Variants in RBPJ observed in about 807,000 individuals in gnomAD.
RBPJ encodes recombination signal binding protein for immunoglobulin kappa J region.
In RBPJ, 9 loss-of-function variants were observed where a neutral mutation model predicts 67.8. That is an observed-to-expected ratio of 0.13 (90% confidence interval 0.08 to 0.23). RBPJ has a LOEUF of 0.23. RBPJ is among the 10% of genes least tolerant of loss of function. The pLI is 1.00. For missense variants in RBPJ, 305 were observed against 595.6 expected, an observed-to-expected ratio of 0.51 and a Z score of 5.08; for synonymous variants, 198 against 203.3, an observed-to-expected ratio of 0.97 and a Z score of 0.22.
chr4:26,295,143 A>AT (rs1325147950), intron 1 of RBPJ, among the ~76,000 whole-genome samples: 1 of 152,068 alleles, frequency 6.6e-6, no homozygotes, highest in African/African-American at 2.4e-5. Flanking sequence ...AAGACATTAC[A>AT]TTTTTCTCCC....
chr4:26,168,171 T>C (rs896192030), intron 1 of RBPJ, among the ~76,000 whole-genome samples: 15 of 152,204 alleles, frequency 9.9e-5, no homozygotes, highest in African/African-American at 3.4e-4. Flanking sequence ...CTAGTCTCGA[T>C]GGTCTTTACA....
intron 1 of RBPJ, among the ~76,000 whole-genome samples, chr4:26,282,243 G>GA (rs1466045243): frequency 7.3e-6 from 1 of 137,126 alleles, no homozygotes. Flanking sequence ...ATAAATCCTT[G>GA]AAAAAAAAAT....
intron 1 of RBPJ, among the ~76,000 whole-genome samples, chr4:26,210,727 C>CTTCTTTA (rs1718371547): frequency 1.8e-4 from 11 of 61,848 alleles, no homozygotes; most frequent in Non-Finnish European, 2.3e-4. Context: ...TTCTTTCTTT[C>CTTCTTTA]CTTCTTTACT....
intron 2 of RBPJ, among the ~76,000 whole-genome samples, chr4:26,387,012 A>G (rs1444335576): frequency 6.6e-6 from 1 of 152,050 alleles, no homozygotes; most frequent in Non-Finnish European, 1.5e-5. Flanking sequence ...ATATATATGT[A>G]TATGTATGTA....
chr4:26,218,227 G>A (rs1047816947), intron 1 of RBPJ, among the ~76,000 whole-genome samples: 8 of 152,192 alleles, frequency 5.3e-5, no homozygotes, highest in African/African-American at 1.9e-4. Context: ...TGTCGCCGGT[G>A]GGTACGTGCA....
intron 1 of RBPJ, among the ~76,000 whole-genome samples, chr4:26,348,746 C>CA (rs957764431): frequency 3.5e-4 from 53 of 151,958 alleles, no homozygotes; most frequent in Admixed American, 1.2e-3. Context: ...CTTTATCACT[C>CA]AGAGTGGAGC....
At chr4:26,207,313 A>G (rs1718204377) in intron 1 of RBPJ, among the ~76,000 whole-genome samples, 1 of 151,116 alleles carries the variant, frequency 6.6e-6, no homozygotes, top group African/African-American at 2.4e-5. Flanking sequence ...TGAGATGTCA[A>G]GTTGGACAGT....
the RBPJ span, among the ~76,000 whole-genome samples, chr4:26,145,079 T>C: frequency 1.6e-3 from 245 of 152,230 alleles, 4 homozygotes; most frequent in East Asian, 0.044. Context: ...TTTACATTTT[T>C]CTGAGTTTCA....
intron 1 of RBPJ, among the ~76,000 whole-genome samples, chr4:26,190,893 C>G (rs550391461): frequency 8.4e-4 from 127 of 151,836 alleles, no homozygotes; most frequent in Non-Finnish European, 1.3e-3. Context: ...TGCCTATAAT[C>G]CCAGCACTTT....
At chr4:26,359,175 A>G (rs1409474372) in intron 1 of RBPJ, among the ~76,000 whole-genome samples, 1 of 152,200 alleles carries the variant, frequency 6.6e-6, no homozygotes, top group Non-Finnish European at 1.5e-5. Flanking sequence ...TATTAAATGT[A>G]TTTTAAAATT....
intron 1 of RBPJ, among the ~76,000 whole-genome samples, chr4:26,184,810 A>C (rs1263849780): frequency 6.6e-6 from 1 of 152,196 alleles, no homozygotes; most frequent in East Asian, 1.9e-4. Flanking sequence ...ACAGTAATAG[A>C]TACCAATCTG....
chr4:26,303,943 T>C (rs1184039150), intron 1 of RBPJ, among the ~76,000 whole-genome samples: 1 of 152,220 alleles, frequency 6.6e-6, no homozygotes, highest in Non-Finnish European at 1.5e-5. Context: ...TTATAGTATA[T>C]TCAGAGTTGT....
At chr4:26,150,222 C>T in the RBPJ span, among the ~76,000 whole-genome samples, 1 of 152,320 alleles carries the variant, frequency 6.6e-6, no homozygotes, top group Non-Finnish European at 1.5e-5. Flanking sequence ...CTTGCATTCC[C>T]TATCACGTGT....
intron 1 of RBPJ, among the ~76,000 whole-genome samples, chr4:26,197,031 C>T (rs1160398738): frequency 6.6e-6 from 1 of 152,220 alleles, no homozygotes; most frequent in Non-Finnish European, 1.5e-5. Context: ...ATCAATCTTT[C>T]TCTCGCTCAC....
chr4:26,270,418 AAAGAAAGAAAGAAAGAAAG>A (rs71184295), intron 1 of RBPJ, among the ~76,000 whole-genome samples: 1,216 of 57,942 alleles, frequency 0.021, 249 homozygotes, highest in Middle Eastern at 0.044. Context: ...AGAAAGAAAG[AAAGAAAGAAAGAAAGAAAG>A]AAGAAAGAAA....
At chr4:26,180,677 A>G (rs1199976538) in intron 1 of RBPJ, among the ~76,000 whole-genome samples, 2 of 152,248 alleles carry the variant, frequency 1.3e-5, no homozygotes, top group East Asian at 3.8e-4. Context: ...CTTGGAGATT[A>G]GCATTTCAAT....
At chr4:26,233,826 A>G (rs966834019) in intron 1 of RBPJ, among the ~76,000 whole-genome samples, 4 of 152,230 alleles carry the variant, frequency 2.6e-5, no homozygotes, top group African/African-American at 4.8e-5. Context: ...AAAGAGGAAC[A>G]AGTGATTAGC....
rs571824432 is a variant in RBPJ, at chr4:26,388,762, C to T, written c.59+2371C>T. On this transcript the variant is annotated intron_variant, in intron 2 of 10. Coordinates refer to ENST00000355476, the MANE Select transcript of RBPJ (RefSeq NM_015874.6). ...TAGATACTATCTAAAATGAAGCACA[C>T]AAAGAAAAAGTCTGAAAAAAGTGGT... Among the ~76,000 whole-genome samples, 47 of 151,976 alleles carry T rather than the reference C, an allele frequency of 3.1e-4. 1 individual carries two copies. In the South Asian group the frequency reaches 9.5e-3, roughly 31 times the overall value.
chr4:26,180,580 G>A (rs1376316424), intron 1 of RBPJ, among the ~76,000 whole-genome samples: 1 of 152,010 alleles, frequency 6.6e-6, no homozygotes, highest in East Asian at 1.9e-4. Context: ...ATCTCCCTGG[G>A]GCCTCTTTTA....
Sources: allele counts gnomAD v4.1 joint callset (sites outside exome capture counted in the v4.1 genomes callset), GRCh38; gene constraint gnomAD v4.1.1; transcripts MANE v1.5; gene names NCBI Gene and HGNC (gene_info 2026-07-23, HGNC 2026-07-21).